DYNC2H1: variants seen among roughly 807,000 people sequenced by gnomAD.
DYNC2H1 encodes the protein cytoplasmic dynein 2 heavy chain 1.
Under a neutral mutation model 570.0 loss-of-function variants are expected in DYNC2H1, and 410 were observed. That is an observed-to-expected ratio of 0.72 (90% CI 0.66 to 0.78). DYNC2H1 has a LOEUF of 0.78. Among genes scored for constraint, DYNC2H1 ranks in the 30% least tolerant of loss-of-function variants. DYNC2H1 has a pLI of 0.00. For missense variants in DYNC2H1, 4,865 were observed against 5,046.4 expected (o/e 0.96, Z 1.09); for synonymous variants, 1,688 against 1,677.6 (o/e 1.01, Z -0.15).
chr11:103,371,920 C>T (rs1353251460), intron 83 of DYNC2H1, among the ~76,000 whole-genome samples: 1 of 78,966 alleles, frequency 1.3e-5, no homozygotes. Context: ...CTTCCTTTCC[C>T]ATTTGGGTTT....
chr11:103,124,609 C>T (rs989664812), intron 11 of DYNC2H1, among the ~76,000 whole-genome samples: 2 of 151,892 alleles, frequency 1.3e-5, no homozygotes, highest in African/African-American at 4.8e-5. Context: ...TTACAAGAAA[C>T]ACAAAAAAGG....
Position 103,307,803 on chromosome 11 carries a change from T to C in DYNC2H1, c.11465T>C (p.Leu3822Pro), listed in dbSNP as rs2135406281. 1 of 1,600,938 alleles carries C rather than the reference T, an allele frequency of 6.2e-7. No homozygotes were observed. Among genetic ancestry groups the C allele is most frequent in the Middle Eastern group, 1.7e-4 (1 of 6,042 alleles). Residue 3822 changes from leucine to proline, a missense_variant, in exon 78 of 89, where the codon CTA (leucine) becomes CCA (proline). Leu to Pro is a moderately conservative substitution (Grantham distance 98, BLOSUM62 -3). Around this residue, in one of 5 missense-constraint regions of DYNC2H1, gnomAD observed 2,401 missense variants for 2,454.6 expected, o/e 0.98. Coordinates refer to ENST00000375735, the MANE Select transcript of DYNC2H1 (RefSeq NM_001377.3). Reference sequence around the variant, plus strand: ...CATCCCAACTTTACTCCTATTTTACTACAGTCAAGTCTGAAGATAACATAT... The same window carrying C: ...CATCCCAACTTTACTCCTATTTTACCACAGTCAAGTCTGAAGATAACATAT... ...EVHPNFTPIL[L>P]QSSLKITYES...
At chr11:103,331,028 C>G (rs1448309720) in intron 82 of DYNC2H1, among the ~76,000 whole-genome samples, 1 of 152,262 alleles carries the variant, frequency 6.6e-6, no homozygotes, top group Non-Finnish European at 1.5e-5. Context: ...TTATAACTTT[C>G]TTTGAACCTC....
intron 83 of DYNC2H1, among the ~76,000 whole-genome samples, chr11:103,374,679 G>C (rs2566948): frequency 0.33 from 49,746 of 151,944 alleles, 9,904 homozygotes; most frequent in Non-Finnish European, 0.44. Flanking sequence ...GGTCACTCTG[G>C]CTATGCTTTA....
intron 83 of DYNC2H1, among the ~76,000 whole-genome samples, chr11:103,378,569 G>C (rs983284311): frequency 3.3e-5 from 5 of 152,148 alleles, no homozygotes; most frequent in Non-Finnish European, 7.4e-5. Flanking sequence ...ATATAGTTTA[G>C]AGATTGCTTA....
rs1941288514 is a variant in DYNC2H1, at chr11:103,374,039, T to C, written c.12156+15680T>C. Among the ~76,000 whole-genome samples, 3 of 152,212 alleles carry C rather than the reference T, an allele frequency of 2.0e-5. No individual in the cohort carries two copies. The South Asian group carries it at 6.2e-4, about 32-fold the overall frequency. ...TTTTGGTTTTTATTTATAAGGAATA[T>C]CTTTTTCCATCTCTTTTCAGTCCAT... is the stretch of plus-strand genomic sequence containing the variant. On this transcript the variant is annotated intron_variant, in intron 83 of 88. Transcript: ENST00000375735.
rs1048728432 is a variant in DYNC2H1, at chr11:103,361,319, C to G, written c.12156+2960C>G. ...CCCCTTCCTCCACGTGAGGACACTT[C>G]AAAAAGACTGCCATCTGTGAATCAG... is the stretch of plus-strand genomic sequence containing the variant. On this transcript the variant is annotated intron_variant, in intron 83 of 88. Transcript: ENST00000375735. Among the ~76,000 whole-genome samples, 3 of 152,124 alleles carry G rather than the reference C, an allele frequency of 2.0e-5. No homozygotes were observed. In the South Asian group the frequency reaches 6.2e-4, roughly 32 times the overall value.
intron 53 of DYNC2H1, 37 bp from the exon 54 acceptor site, chr11:103,211,752 A>G (rs1164139201): frequency 3.4e-6 from 3 of 870,878 alleles, no homozygotes; most frequent in Non-Finnish European, 5.1e-6. Flanking sequence ...TGAATCATAC[A>G]TATAATAAGT....
chr11:103,355,168 GT>G (rs1940276674), intron 82 of DYNC2H1, among the ~76,000 whole-genome samples: 1 of 151,356 alleles, frequency 6.6e-6, no homozygotes, highest in Non-Finnish European at 1.5e-5. Context: ...AGTTGATGAT[GT>G]TCTTGCTTAT....
At chr11:103,220,204 A>C (rs796388596) in intron 56 of DYNC2H1, among the ~76,000 whole-genome samples, 176 bp downstream of exon 56, 2 of 152,208 alleles carry the variant, frequency 1.3e-5, no homozygotes, top group African/African-American at 4.8e-5. Context: ...GAAAAGTATA[A>C]ATTAATGGAT....
intron 45 of DYNC2H1, among the ~76,000 whole-genome samples, chr11:103,191,110 G>A (rs1862293525): frequency 6.7e-6 from 1 of 149,028 alleles, no homozygotes; most frequent in Non-Finnish European, 1.5e-5. Context: ...CACAATCTCA[G>A]CTCACTGCAA....
At chr11:103,314,078 TAA>T (rs1937673705) in intron 79 of DYNC2H1, among the ~76,000 whole-genome samples, 1 of 152,160 alleles carries the variant, frequency 6.6e-6, no homozygotes, top group South Asian at 2.1e-4. Context: ...ATTTTATTAT[TAA>T]GTTATATAGG....
chr11:103,434,073 T>C (rs1943982929), intron 84 of DYNC2H1, among the ~76,000 whole-genome samples: 1 of 152,148 alleles, frequency 6.6e-6, no homozygotes, highest in Non-Finnish European at 1.5e-5. Flanking sequence ...TTCTAACCTC[T>C]GAATTATCCA....
chr11:103,364,671 G>C (rs903472277), intron 83 of DYNC2H1, among the ~76,000 whole-genome samples: 1 of 150,944 alleles, frequency 6.6e-6, no homozygotes, highest in Admixed American at 6.6e-5. Context: ...ACTTCTATAG[G>C]TTGTGGTTCC....
At chr11:103,316,053 T>C (rs1429456041) in intron 79 of DYNC2H1, among the ~76,000 whole-genome samples, 1 of 152,042 alleles carries the variant, frequency 6.6e-6, no homozygotes, top group Non-Finnish European at 1.5e-5. Context: ...GAATATTCAT[T>C]TTATACAAAC....
chr11:103,381,002 T>G (rs1941621930), intron 83 of DYNC2H1, among the ~76,000 whole-genome samples: 1 of 152,226 alleles, frequency 6.6e-6, no homozygotes, highest in Non-Finnish European at 1.5e-5. Flanking sequence ...GCTTATGCTT[T>G]ATCCTTTAGA....
chr11:103,156,409 G>A lies in DYNC2H1; in HGVS notation c.3766G>A (p.Gly1256Ser). The A allele has an allele frequency of 6.2e-7, 1 of 1,613,416 alleles. No individual in the cohort carries two copies. The highest frequency in any genetic ancestry group is 8.5e-7 in the Non-Finnish European group (1 of 1,179,640). Residue 1256 changes from glycine (G) to serine (S), a missense_variant, in exon 26 of 89, where the codon GGT (glycine) becomes AGT (serine). Coordinates refer to ENST00000375735, the MANE Select transcript of DYNC2H1 (RefSeq NM_001377.3). ...ATAGGATTTAAATAGTCGGGCACAAGGTGAAGTTACAATCAGAGAAGCTTT... is the reference window on the plus strand; with the variant it reads ...ATAGGATTTAAATAGTCGGGCACAAAGTGAAGTTACAATCAGAGAAGCTTT... ...DLKDLNSRAQ[G>S]EVTIREALRE...
At chr11:103,298,148 A>G (rs12295856) in intron 75 of DYNC2H1, among the ~76,000 whole-genome samples, 25,121 of 152,038 alleles carry the variant, frequency 0.17, 2,257 homozygotes, top group Admixed American at 0.25. Flanking sequence ...TCTTACCCTC[A>G]GATCTTATCT....
chr11:103,304,709 G>C lies in DYNC2H1; in HGVS notation c.11371G>C (p.Val3791Leu), dbSNP rs1368897044. The C allele has an allele frequency of 2.0e-5, 32 of 1,611,728 alleles. No individual in the cohort carries two copies. The highest frequency in any genetic ancestry group is 2.7e-5 in the African/African-American group (2 of 74,698). ...ACATCTTGTGGTATCTTGGCTGCCAGTTCTGGAAAAGGTAGATTCAGATAA... is the reference window on the plus strand; with the variant it reads ...ACATCTTGTGGTATCTTGGCTGCCACTTCTGGAAAAGGTAGATTCAGATAA... ...NLHLVVSWLP[V>L]LEKELNTLQP... Residue 3791 changes from valine (V) to leucine (L), a missense_variant, in exon 77 of 89, where the codon GTT (valine) becomes CTT (leucine). Physicochemically the swap from Val to Leu is conservative, Grantham distance 32. Coordinates refer to ENST00000375735, the MANE Select transcript of DYNC2H1 (RefSeq NM_001377.3).
Sources: allele counts gnomAD v4.1 joint callset (sites outside exome capture counted in the v4.1 genomes callset), GRCh38; gene constraint gnomAD v4.1.1; regional missense constraint gnomAD v4.1.1; transcripts MANE v1.5; gene names NCBI Gene and HGNC (gene_info 2026-07-23, HGNC 2026-07-21).